Variants in NARF observed in about 807,000 individuals in gnomAD.
NARF encodes the protein nuclear prelamin A recognition factor, also known as iron-only hydrogenase-like protein 2.
A neutral mutation model predicts 48.0 loss-of-function variants in NARF; 41 were observed. That is an observed-to-expected ratio of 0.85 (90% CI 0.66 to 1.11). The LOEUF (loss-of-function observed/expected upper bound fraction) is 1.11. Among genes scored for constraint, NARF ranks in the 50% least tolerant of loss-of-function variants. The probability of loss-of-function intolerance (pLI) is 0.00; values close to 1 mark genes in which losing one functional copy is unlikely to be tolerated. For synonymous variants in NARF, 215 were observed against 225.5 expected, an observed-to-expected ratio of 0.95 and a Z score of 0.42; for missense variants, 613 against 590.2, an observed-to-expected ratio of 1.04 and a Z score of -0.40.
intron 6 of NARF, 200 bp downstream of exon 6, chr17:82,479,118 C>G: frequency 2.1e-6 from 1 of 486,298 alleles, no homozygotes; most frequent in Non-Finnish European, 3.6e-6. Context: ...CTCTTACAAC[C>G]TTTTTCTTTC....
At chr17:82,480,988 G>C in intron 6 of NARF, 94 bp from the exon 7 acceptor site, 4 of 1,502,168 alleles carry the variant, frequency 2.7e-6, no homozygotes, top group South Asian at 2.3e-5. Flanking sequence ...GCAGCAGGGG[G>C]CATTCGGTCT....
At chr17:82,485,420 C>CAAAAA in intron 9 of NARF, 77 bp from the exon 10 acceptor site, 2 of 1,298,510 alleles carry the variant, frequency 1.5e-6, no homozygotes, top group East Asian at 2.6e-5. Flanking sequence ...GACTCCGTCT[C>CAAAAA]AAAAAAAAAA....
Position 82,487,919 on chromosome 17 carries a change from G to C in NARF, c.1133G>C (p.Cys378Ser). ...FVEVLACAGGCLNGRGQAQTP... is the reference protein window; with the variant it reads ...FVEVLACAGGSLNGRGQAQTP... ...CTTACCTGTGTTTATCTTTCAGGAT[G>C]CTTAAATGGCAGAGGCCAAGCCCAG... Residue 378 changes from cysteine (C) to serine (S), a missense_variant, in exon 11 of 11, where the codon TGC becomes TCC. Physicochemically the swap from Cys to Ser is moderately radical, Grantham distance 112. Transcript: ENST00000309794. 6.2e-7 allele frequency: 1 copy of C among 1,614,172 alleles called. No individual in the cohort carries two copies. The highest frequency in any genetic ancestry group is 8.5e-7 in the Non-Finnish European group (1 of 1,180,006).
At chr17:82,465,997 T>C (rs1187096579) in intron 3 of NARF, among the ~76,000 whole-genome samples, 2 of 152,198 alleles carry the variant, frequency 1.3e-5, no homozygotes, top group African/African-American at 4.8e-5. Flanking sequence ...GATAGGATGG[T>C]CTGAACCAGG....
chr17:82,485,620 A>C lies in NARF; in HGVS notation c.1095A>C (p.Pro365=), dbSNP rs980401174. 2 of 1,614,208 alleles carry C rather than the reference A, an allele frequency of 1.2e-6. No individual in the cohort carries two copies. The highest frequency in any genetic ancestry group is 1.3e-5 in the African/African-American group (1 of 75,070). The change falls in exon 10 of 11, where the codon CCA becomes CCC. Residue 365 remains proline, a synonymous_variant. Coordinates refer to ENST00000309794, the MANE Select transcript of NARF (RefSeq NM_012336.4). ...MILKLKKGKF[P]FHFVEVLACA... The stretch of plus-strand genomic sequence containing the variant: ...TGAAGCTTAAGAAGGGCAAGTTCCC[A>C]TTCCACTTTGTGGAGGTCCTCGCCT...
intron 6 of NARF, among the ~76,000 whole-genome samples, chr17:82,479,567 C>T (rs2043912899): frequency 6.6e-6 from 1 of 152,202 alleles, no homozygotes; most frequent in African/African-American, 2.4e-5. Flanking sequence ...TCAAAGGGAC[C>T]CTAATCCCAT....
chr17:82,459,567 G>C (rs72859113), intron 1 of NARF: 24,242 of 173,868 alleles, frequency 0.14, 2,124 homozygotes, highest in Admixed American at 0.27. Context: ...TCACTAGAAG[G>C]GTTAGAAGGA....
intron 4 of NARF, among the ~76,000 whole-genome samples, chr17:82,472,117 TAGG>T (rs2043724572): frequency 6.6e-6 from 1 of 152,142 alleles, no homozygotes; most frequent in Admixed American, 6.5e-5. Context: ...TTTATTATCT[TAGG>T]AGGGATGCCT....
intron 4 of NARF, among the ~76,000 whole-genome samples, chr17:82,469,200 A>C (rs1401323498): frequency 6.6e-6 from 1 of 152,184 alleles, no homozygotes; most frequent in African/African-American, 2.4e-5. Context: ...GGAGATTCCC[A>C]CACTGGCCCA....
At chr17:82,481,765 A>G in intron 7 of NARF, 1 of 432,998 alleles carries the variant, frequency 2.3e-6, no homozygotes, top group Admixed American at 2.8e-5. Context: ...AGGTCCTGGG[A>G]GAACCACTTG....
chr17:82,486,410 A>G (rs952200558), intron 10 of NARF, among the ~76,000 whole-genome samples: 1 of 152,110 alleles, frequency 6.6e-6, no homozygotes, highest in African/African-American at 2.4e-5. Flanking sequence ...GGCTCCACTG[A>G]TGTTAGACAA....
chr17:82,464,441 C>T lies in NARF; in HGVS notation c.252+11C>T, dbSNP rs146578002. 2.6e-4 allele frequency: 417 copies of T among 1,605,204 alleles called. 3 individuals carry two copies. In the Middle Eastern group the frequency reaches 9.5e-3, roughly 37 times the overall value. ...CTGAACCTTAACAAGGTAAGGCATT[C>T]GGGGCATTTGCTGATGCTGGGGAGC... On this transcript the variant is annotated intron_variant, in intron 3 of 10. Transcript: ENST00000309794.
chr17:82,480,205 T>C (rs1367991172), intron 6 of NARF, among the ~76,000 whole-genome samples: 1 of 152,214 alleles, frequency 6.6e-6, no homozygotes, highest in Non-Finnish European at 1.5e-5. Flanking sequence ...GCACCTGCTC[T>C]GTGTGGACCC....
At chr17:82,480,650 C>T in intron 6 of NARF, 1 of 425,986 alleles carries the variant, frequency 2.3e-6, no homozygotes, top group Non-Finnish European at 4.1e-6. Flanking sequence ...GTGCTGCATG[C>T]AGCCAGGCTC....
chr17:82,467,719 A>G (rs1355924066), intron 3 of NARF, among the ~76,000 whole-genome samples: 4 of 151,750 alleles, frequency 2.6e-5, no homozygotes, highest in Non-Finnish European at 4.4e-5. Context: ...GGCCAGGCTG[A>G]TCTTGAACTC....
chr17:82,468,968 C>A, intron 4 of NARF, 72 bp downstream of exon 4: 1 of 1,572,268 alleles, frequency 6.4e-7, no homozygotes, highest in South Asian at 1.2e-5. Flanking sequence ...CTCTAAAGTT[C>A]GTTTTTCAAG....
In NARF at chr17:82,481,101, T is replaced by G; in HGVS notation, c.659T>G (p.Ile220Ser). The G allele has an allele frequency of 6.2e-7, 1 of 1,614,058 alleles. No homozygotes were observed. The highest frequency in any genetic ancestry group is 2.2e-5 in the East Asian group (1 of 44,870). The change falls in exon 7 of 11, where the codon ATT becomes AGT. Residue 220 changes from isoleucine (I) to serine (S), a missense_variant. By Grantham distance (142) the Ile-to-Ser change is moderately radical (BLOSUM62 -2). Transcript: ENST00000309794. ...ARQQNLSPEK[I>S]FHVIVAPCYD... ...CCACAGAACCTGTCTCCAGAGAAGA[T>G]TTTCCACGTCATTGTGGCCCCTTGT...
chr17:82,468,563 A>T, intron 3 of NARF: 1 of 544,588 alleles, frequency 1.8e-6, no homozygotes, highest in Non-Finnish European at 3.1e-6. Flanking sequence ...TTTTAAAAAA[A>T]TATTTACCAG....
chr17:82,485,579 A>C lies in NARF; in HGVS notation c.1054A>C (p.Ile352Leu), dbSNP rs559209274. The part of the protein sequence containing the change: ...RFAAAYGFRN[I>L]QNMILKLKKG... ...TGCTGCAGCCTATGGCTTTCGAAACATCCAGAACATGATCCTGAAGCTTAA... is the reference window on the plus strand; with the variant it reads ...TGCTGCAGCCTATGGCTTTCGAAACCTCCAGAACATGATCCTGAAGCTTAA... The change falls in exon 10 of 11, where the codon ATC becomes CTC. Residue 352 changes from isoleucine (I) to leucine (L), a missense_variant. Coordinates refer to ENST00000309794, the MANE Select transcript of NARF (RefSeq NM_012336.4). 1.0e-4 allele frequency: 167 copies of C among 1,614,118 alleles called. No individual in the cohort carries two copies. Among genetic ancestry groups the C allele is most frequent in the Non-Finnish European group, 1.4e-4 (162 of 1,180,050 alleles).
Sources: allele counts gnomAD v4.1 joint callset (sites outside exome capture counted in the v4.1 genomes callset), GRCh38; gene constraint gnomAD v4.1.1; transcripts MANE v1.5; gene names NCBI Gene and HGNC (gene_info 2026-07-23, HGNC 2026-07-21).